Variants in COL25A1 observed in about 807,000 individuals in gnomAD.
COL25A1 encodes collagen alpha-1(XXV) chain.
A neutral mutation model predicts 128.4 loss-of-function variants in COL25A1; 103 were observed. That is an observed-to-expected ratio of 0.80 (90% confidence interval 0.68 to 0.94). The LOEUF is 0.94. COL25A1 is among the 40% of genes least tolerant of loss of function. The pLI, the probability that COL25A1 is intolerant of heterozygous loss-of-function variation, is 0.00. For synonymous variants in COL25A1, 279 were observed against 277.2 expected (o/e 1.01, Z -0.06); for missense variants, 745 against 840.0 (o/e 0.89, Z 1.40).
intron 6 of COL25A1, among the ~76,000 whole-genome samples, chr4:108,988,960 C>T (rs1387483996): frequency 6.6e-6 from 1 of 152,122 alleles, no homozygotes; most frequent in Non-Finnish European, 1.5e-5. Context: ...CCTTTATTTC[C>T]ACAGTGTCAG....
intron 11 of COL25A1, among the ~76,000 whole-genome samples, chr4:108,931,050 T>C (rs1314444076): frequency 6.6e-6 from 1 of 152,208 alleles, no homozygotes; most frequent in Non-Finnish European, 1.5e-5. Context: ...TCAGTAGAGC[T>C]AGAATAAGCT....
intron 3 of COL25A1, among the ~76,000 whole-genome samples, chr4:109,289,000 CACACATAT>C (rs1413151639): frequency 1.4e-5 from 2 of 143,158 alleles, no homozygotes; most frequent in African/African-American, 5.5e-5. Context: ...CACACACACA[CACACATAT>C]ATATACAAAA....
intron 3 of COL25A1, among the ~76,000 whole-genome samples, chr4:109,231,971 C>T (rs181489011): frequency 1.4e-4 from 22 of 152,226 alleles, no homozygotes; most frequent in African/African-American, 2.9e-4. Context: ...ACTCAACATA[C>T]GATAGTTCTT....
chr4:109,073,640 T>C (rs1763164305), intron 3 of COL25A1, among the ~76,000 whole-genome samples: 1 of 152,238 alleles, frequency 6.6e-6, no homozygotes. Flanking sequence ...AATGTTCCTC[T>C]ACTCATTGTA....
chr4:108,874,572 ATCCTTTGAAAAGGGCATG>A (rs1297417720), intron 19 of COL25A1, among the ~76,000 whole-genome samples: 1 of 152,192 alleles, frequency 6.6e-6, no homozygotes, highest in African/African-American at 2.4e-5. Flanking sequence ...TAAAGCAGAG[ATCCTTTGAAAAGGGCATG>A]TCCTGCTCCC....
chr4:109,281,308 T>C (rs1723368387), intron 3 of COL25A1, among the ~76,000 whole-genome samples: 1 of 152,090 alleles, frequency 6.6e-6, no homozygotes, highest in African/African-American at 2.4e-5. Flanking sequence ...ACAAAGGTTG[T>C]TATAAATTGA....
At chr4:108,939,787 C>A (rs971939584) in intron 10 of COL25A1, among the ~76,000 whole-genome samples, 3 of 151,962 alleles carry the variant, frequency 2.0e-5, no homozygotes, top group African/African-American at 7.3e-5. Flanking sequence ...AAATTTTTGA[C>A]CTTTTCCATA....
intron 3 of COL25A1, among the ~76,000 whole-genome samples, chr4:109,111,310 C>A (rs1393041447): frequency 6.6e-6 from 1 of 152,180 alleles, no homozygotes; most frequent in East Asian, 1.9e-4. Context: ...ATCCCACAGT[C>A]ATTTCTCAGT....
intron 3 of COL25A1, among the ~76,000 whole-genome samples, chr4:109,131,384 T>C (rs966823473): frequency 9.9e-5 from 15 of 152,216 alleles, no homozygotes; most frequent in Non-Finnish European, 2.1e-4. Flanking sequence ...TATACTGATG[T>C]GGCAGAAATG....
intron 3 of COL25A1, among the ~76,000 whole-genome samples, chr4:109,057,421 ATTTTTTTTTTTTTTTTTTTT>A (rs776941019): frequency 4.4e-4 from 9 of 20,238 alleles, no homozygotes; most frequent in African/African-American, 1.4e-3. Flanking sequence ...TGCCTAGCTA[ATTTTTTTTTTTTTTTTTTTT>A]TTTTTTTTTT....
chr4:109,294,586 T>C (rs1196041862), intron 3 of COL25A1, among the ~76,000 whole-genome samples: 6 of 152,072 alleles, frequency 3.9e-5, no homozygotes, highest in East Asian at 1.9e-4. Flanking sequence ...TTCACCCATA[T>C]TGGCAAACCA....
chr4:108,859,378 A>G (rs1736896231), intron 24 of COL25A1, among the ~76,000 whole-genome samples: 1 of 152,200 alleles, frequency 6.6e-6, no homozygotes, highest in Admixed American at 6.5e-5. Flanking sequence ...AAGGAGGCAA[A>G]AATTGGCCAA....
intron 3 of COL25A1, among the ~76,000 whole-genome samples, chr4:109,059,890 A>C (rs1480798767): frequency 6.6e-6 from 1 of 152,156 alleles, no homozygotes; most frequent in Non-Finnish European, 1.5e-5. Flanking sequence ...GGCTGAAATA[A>C]CAGTAACACT....
chr4:109,216,475 T>A (rs767946160), intron 3 of COL25A1, among the ~76,000 whole-genome samples: 10 of 152,136 alleles, frequency 6.6e-5, no homozygotes, highest in Admixed American at 4.6e-4. Flanking sequence ...TTTGTAGATA[T>A]AATCAAATTA....
rs1240783296 is a variant in COL25A1, at chr4:108,863,406, C to G, written c.1084-19G>C. 1.9e-6 allele frequency: 3 copies of G among 1,611,806 alleles called. No homozygotes were observed. The East Asian group carries it at 6.7e-5, about 36-fold the overall frequency. On this transcript the variant is annotated intron_variant, in intron 20 of 37. Coordinates refer to ENST00000399132, the MANE Select transcript of COL25A1 (RefSeq NM_198721.4). ...GTTCACCCTGTCACAAATTGCAAAA[C>G]AGGTAAATGGTCATTCCCCCCACCC...
At chr4:108,861,909 C>T (rs572342823) in intron 22 of COL25A1, among the ~76,000 whole-genome samples, 1 of 152,262 alleles carries the variant, frequency 6.6e-6, no homozygotes, top group African/African-American at 2.4e-5. Flanking sequence ...ATGCCAATAA[C>T]ATTGATCATA....
intron 3 of COL25A1, among the ~76,000 whole-genome samples, chr4:109,244,977 C>G (rs938661664): frequency 6.6e-6 from 1 of 152,062 alleles, no homozygotes; most frequent in South Asian, 2.1e-4. Context: ...CACTGGATAA[C>G]TTTAAAAATC....
chr4:109,121,008 T>C (rs1343493864), intron 3 of COL25A1, among the ~76,000 whole-genome samples: 1 of 152,064 alleles, frequency 6.6e-6, no homozygotes, highest in Non-Finnish European at 1.5e-5. Flanking sequence ...TTCAATATTA[T>C]CAAGACATCA....
chr4:108,991,473 TAAAACATCA>T (rs1247868884), intron 6 of COL25A1, among the ~76,000 whole-genome samples: 1 of 152,298 alleles, frequency 6.6e-6, no homozygotes, highest in Non-Finnish European at 1.5e-5. Context: ...ATCTGCTTCA[TAAAACATCA>T]AAAATTCTAA....
Sources: allele counts gnomAD v4.1 joint callset (sites outside exome capture counted in the v4.1 genomes callset), GRCh38; gene constraint gnomAD v4.1.1; transcripts MANE v1.5; gene names NCBI Gene and HGNC (gene_info 2026-07-23, HGNC 2026-07-21).